ZNF610: variants seen among roughly 807,000 people sequenced by gnomAD.
The protein encoded by ZNF610 is zink finger protein.
A neutral mutation model predicts 14.1 loss-of-function variants in ZNF610; 14 were observed. The ratio of observed to expected loss-of-function variants is 0.99; its 90% confidence interval spans 0.65 to 1.55. ZNF610 has a LOEUF of 1.55. Ranked by LOEUF, ZNF610 falls within the 40% of genes most tolerant of loss-of-function variation. The pLI is 0.00. For synonymous variants in ZNF610, 185 were observed against 187.6 expected (o/e 0.99, Z 0.11); for missense variants, 530 against 558.0 (o/e 0.95, Z 0.51).
rs550776622 is a variant in ZNF610, at chr19:52,336,300, C to T, written c.-464C>T. 7 of 287,442 alleles carry T rather than the reference C, an allele frequency of 2.4e-5. No individual in the cohort carries two copies. Among genetic ancestry groups the T allele is most frequent in the South Asian group, 1.9e-4 (6 of 32,204 alleles). 17.8% of individuals were successfully genotyped at this position (287,442 alleles called of 1,614,324 possible). ...GTCACACCGCAGCGCGTCAGTTTCCCTTTGTTTAGATTCAATCTGGGCTTC... is the reference window on the plus strand; with the variant it reads ...GTCACACCGCAGCGCGTCAGTTTCCTTTTGTTTAGATTCAATCTGGGCTTC... On this transcript the variant is annotated 5_prime_UTR_variant, in exon 1 of 6. Transcript: ENST00000403906.
intron 3 of ZNF610, among the ~76,000 whole-genome samples, chr19:52,351,454 A>G (rs1008209838): frequency 4.6e-5 from 7 of 150,586 alleles, no homozygotes; most frequent in African/African-American, 1.7e-4. Flanking sequence ...AGACTGTCTC[A>G]AAGAAAAAAA....
intron 5 of ZNF610, among the ~76,000 whole-genome samples, chr19:52,362,421 A>C (rs1985828507): frequency 1.3e-5 from 2 of 152,152 alleles, no homozygotes; most frequent in Admixed American, 1.3e-4. Context: ...AAAATAAATA[A>C]ATACATAAAT....
At chr19:52,338,874 A>C (rs1984509612) in intron 1 of ZNF610, among the ~76,000 whole-genome samples, 2 of 152,040 alleles carry the variant, frequency 1.3e-5, no homozygotes, top group Admixed American at 6.5e-5. Flanking sequence ...CAAAGTACAG[A>C]GAAAGAAAAG....
rs181705794 is a variant in ZNF610 at position 52,363,345 on chromosome 19, G to A, written c.320-2353G>A. ...GGGGTTTCGCCATGTTGGCCAGGCT[G>A]GTATCAAACTCCTGGCCTCAAGTGA... On this transcript the variant is annotated intron_variant, in intron 5 of 5. Coordinates refer to ENST00000403906, the MANE Select transcript of ZNF610 (RefSeq NM_001161425.2). Among the ~76,000 whole-genome samples the A allele has an allele frequency of 5.6e-3, 858 of 152,190 alleles. 12 individuals are homozygous for A. The highest frequency in any genetic ancestry group is 0.019 in the African/African-American group (804 of 41,516).
At chr19:52,361,773 C>A (rs1022901489) in intron 5 of ZNF610, among the ~76,000 whole-genome samples, 1 of 152,050 alleles carries the variant, frequency 6.6e-6, no homozygotes, top group African/African-American at 2.4e-5. Flanking sequence ...AATTTTCTTA[C>A]CATTCGAAGT....
At chr19:52,333,865 A>T (rs560338051), upstream of ZNF610, among the ~76,000 whole-genome samples, 5 of 152,348 alleles carry the variant, frequency 3.3e-5, no homozygotes, top group South Asian at 1.0e-3. Context: ...CTGATTACAG[A>T]TAGTCTTTGA....
chr19:52,336,691 A>G (rs167707), intron 1 of ZNF610, among the ~76,000 whole-genome samples, 185 bp downstream of exon 1: 105,599 of 152,076 alleles, frequency 0.69, 37,315 homozygotes, highest in African/African-American at 0.81. Context: ...CGCGTCCTGT[A>G]CTGGGTCCTG....
chr19:52,356,904 T>C (rs531372371), intron 5 of ZNF610, among the ~76,000 whole-genome samples: 1 of 152,226 alleles, frequency 6.6e-6, no homozygotes, highest in Admixed American at 6.5e-5. Context: ...AGACAACTTA[T>C]GTCACCAAAT....
At position 52,365,965 on chromosome 19, in the gene ZNF610, A is replaced by G; in HGVS notation, c.587A>G (p.Tyr196Cys). The stretch of plus-strand genomic sequence containing the variant: ...TTACTCCCACAAGAAGAGAAAGCAT[A>G]CATTAGAGGAAAATCTTATGAATAT... Reference protein sequence around the residue: ...FPLLPQEEKAYIRGKSYEYEC... With the variant: ...FPLLPQEEKACIRGKSYEYEC... Residue 196 changes from tyrosine (Y) to cysteine (C), a missense_variant, in exon 6 of 6, where the codon TAC becomes TGC. Coordinates refer to ENST00000403906, the MANE Select transcript of ZNF610 (RefSeq NM_001161425.2). 6.2e-7 allele frequency: 1 copy of G among 1,614,098 alleles called. No individual in the cohort carries two copies.
chr19:52,345,816 C>T (rs1045076393), intron 1 of ZNF610, among the ~76,000 whole-genome samples: 25 of 151,386 alleles, frequency 1.7e-4, no homozygotes, highest in Admixed American at 4.6e-4. Context: ...ACCATTCTCC[C>T]ACCTCAGCCT....
At chr19:52,362,432 T>G (rs1281810155) in intron 5 of ZNF610, among the ~76,000 whole-genome samples, 2 of 152,054 alleles carry the variant, frequency 1.3e-5, no homozygotes, top group African/African-American at 4.8e-5. Context: ...ATACATAAAT[T>G]TTGTAGAGAT....
chr19:52,358,947 A>G (rs1436695438), intron 5 of ZNF610, among the ~76,000 whole-genome samples: 1 of 152,156 alleles, frequency 6.6e-6, no homozygotes. Context: ...ATTGAACATC[A>G]TTTGACCAAA....
chr19:52,365,886 A>T lies in ZNF610; in HGVS notation c.508A>T (p.Ser170Cys). 6.2e-7 allele frequency: 1 copy of T among 1,613,316 alleles called. No individual in the cohort carries two copies. The highest frequency in any genetic ancestry group is 8.5e-7 in the Non-Finnish European group (1 of 1,179,780). ...TTCACCACTTCAAAAAATTTCTTCT[A>T]GTTTCACAACACACATTTTTAATAA... ...SVSPLQKISS[S>C]FTTHIFNKYR... The change falls in exon 6 of 6, where the codon AGT (serine) becomes TGT (cysteine). Residue 170 changes from serine to cysteine, a missense_variant. By Grantham distance (112) the Ser-to-Cys change is moderately radical. Coordinates refer to ENST00000403906, the MANE Select transcript of ZNF610 (RefSeq NM_001161425.2).
At position 52,366,252 on chromosome 19, in the gene ZNF610, G is replaced by T. The variant is rs145486498; in HGVS notation, c.874G>T (p.Glu292Ter). The change falls in exon 6 of 6, where the codon GAA (glutamate) becomes TAA (stop). Residue 292 changes from glutamate (E) to a stop codon, truncating the protein, a stop_gained. Transcript: ENST00000403906. LOFTEE classifies it low-confidence loss of function (END_TRUNC). ...TGGAGAGAAGCCTCACAAATGTAAC[G>T]AATGTGGCAAAGCTTTTAGAGAGTG... ...HTGEKPHKCN[E>*]CGKAFRECSG... is the part of the protein sequence containing the mutation. The T allele has an allele frequency of 6.2e-7, 1 of 1,613,316 alleles. No homozygotes were observed. Among genetic ancestry groups the T allele is most frequent in the Non-Finnish European group, 8.5e-7 (1 of 1,179,428 alleles).
upstream of ZNF610, among the ~76,000 whole-genome samples, chr19:52,333,994 C>G (rs1984264196): frequency 6.6e-6 from 1 of 152,098 alleles, no homozygotes; most frequent in Non-Finnish European, 1.5e-5. Flanking sequence ...CTTCAGCTCC[C>G]TGCAGAAAAG....
In ZNF610 at chr19:52,367,006, A is replaced by G; in HGVS notation, c.*239A>G. The G allele has an allele frequency of 2.2e-6, 1 of 450,422 alleles. No homozygotes were observed. The highest frequency in any genetic ancestry group is 3.9e-6 in the Non-Finnish European group (1 of 258,100). The allele number at this position is 450,422 out of a possible 1,614,324, so 27.9% of individuals were successfully genotyped here. On this transcript the variant is annotated 3_prime_UTR_variant, in exon 6 of 6. Transcript: ENST00000403906. ...AGAGCATTTAATGAAAACTACCAGT[A>G]TAGCATATTCTTGAGTAGGATTCAC...
intron 5 of ZNF610, among the ~76,000 whole-genome samples, chr19:52,363,940 C>T (rs557479756): frequency 1.3e-5 from 2 of 152,200 alleles, no homozygotes; most frequent in Admixed American, 6.5e-5. Context: ...TCCCTTACTG[C>T]CTGCTTTTGT....
rs144631009 is a variant in ZNF610, at chr19:52,365,810, A to G, written c.432A>G (p.Lys144=). The stretch of plus-strand genomic sequence containing the variant: ...TGCAGCTGTTTCAAGCCGGAAGGAA[A>G]ATTTACAGAAGTAATCAAGTTGAAA... ...SELQLFQAGR[K]IYRSNQVEKF... is the part of the protein sequence containing the mutation. Residue 144 remains lysine, a synonymous_variant, in exon 6 of 6, where the codon AAA becomes AAG. Transcript: ENST00000403906. The G allele has an allele frequency of 1.2e-6, 2 of 1,614,192 alleles. No homozygotes were observed. The highest frequency in any genetic ancestry group is 2.2e-5 in the South Asian group (2 of 91,080).
intron 1 of ZNF610, among the ~76,000 whole-genome samples, chr19:52,342,814 C>T (rs145117249): frequency 0.011 from 1,716 of 152,180 alleles, 34 homozygotes; most frequent in African/African-American, 0.038. Flanking sequence ...CGTGAGCCAC[C>T]GCGCCTGGCC....
Sources: gnomAD v4.1 joint callset for allele counts (sites outside exome capture counted in the v4.1 genomes callset) on GRCh38, gnomAD v4.1.1 for gene constraint, MANE v1.5 for transcripts, NCBI Gene and HGNC (gene_info 2026-07-23, HGNC 2026-07-21) for gene names.